Variants in GUCY2F observed in about 807,000 individuals in gnomAD.
The protein encoded by GUCY2F is retinal guanylyl cyclase 2.
GUCY2F carries 61 observed loss-of-function variants against 73.1 expected under a neutral mutation model. That is an observed-to-expected ratio of 0.83 (90% CI 0.68 to 1.03). The LOEUF (loss-of-function observed/expected upper bound fraction) is 1.03, where lower values mean the gene tolerates loss of function less well. GUCY2F is among the 50% of genes least tolerant of loss of function. The pLI, the probability that GUCY2F is intolerant of heterozygous loss-of-function variation, is 0.00. For synonymous variants in GUCY2F, 331 were observed against 307.8 expected, an observed-to-expected ratio of 1.08 and a Z score of -0.79; for missense variants, 912 against 854.3, an observed-to-expected ratio of 1.07 and a Z score of -0.84.
At chrX:109,417,479 CA>C in intron 8 of GUCY2F, among the ~76,000 whole-genome samples, 1 of 110,610 alleles carries the variant, frequency 9.0e-6, no homozygotes. Flanking sequence ...CTAAAACGTG[CA>C]AAAATGTATC....
At chrX:109,391,093 TA>T (rs1930549064) in intron 14 of GUCY2F, among the ~76,000 whole-genome samples, 1 of 112,157 alleles carries the variant, frequency 8.9e-6, no homozygotes, top group Non-Finnish European at 1.9e-5. Flanking sequence ...TCTCCATCAA[TA>T]AGACAAGTAT....
intron 3 of GUCY2F, among the ~76,000 whole-genome samples, chrX:109,463,717 G>A (rs188224396): frequency 8.1e-5 from 9 of 111,499 alleles, no homozygotes; most frequent in African/African-American, 9.8e-5. Context: ...GATTACAGGC[G>A]TGAGCCACCA....
intron 17 of GUCY2F, among the ~76,000 whole-genome samples, chrX:109,381,706 T>G (rs1437434321): frequency 9.0e-6 from 1 of 111,723 alleles, no homozygotes; most frequent in Admixed American, 9.5e-5. Flanking sequence ...CCAGGAAGGG[T>G]GGCCACTGAG....
chrX:109,458,265 G>A (rs754050008), intron 3 of GUCY2F, among the ~76,000 whole-genome samples: 1 of 112,253 alleles, frequency 8.9e-6, no homozygotes, highest in East Asian at 2.8e-4. Context: ...CCTAATGTGT[G>A]GTTAAATGAT....
chrX:109,393,016 CAAT>C lies in GUCY2F; in HGVS notation c.2461_2463del (p.Ile821del), dbSNP rs750162786. 42 of 1,119,339 alleles carry C rather than the reference CAAT, an allele frequency of 3.8e-5. No individual in the cohort carries two copies. Among genetic ancestry groups the C allele is most frequent in the Non-Finnish European group, 5.0e-5 (41 of 814,132 alleles). 92.2% of individuals were successfully genotyped at this position (1,119,339 alleles called of 1,213,427 possible). ...TGCTCCAACATCCGAAGCATAGAATCAATAATATTGGTCTTCTTCCCTTTATTA... is the reference window on the plus strand; with the variant it reads ...TGCTCCAACATCCGAAGCATAGAATCAATATTGGTCTTCTTCCCTTTATTA... On this transcript the variant is annotated inframe_deletion, in exon 13 of 20. Transcript: ENST00000218006.
intron 10 of GUCY2F, among the ~76,000 whole-genome samples, chrX:109,400,537 G>A (rs1355335378): frequency 2.7e-5 from 3 of 111,948 alleles, no homozygotes; most frequent in African/African-American, 9.8e-5. Context: ...CAAAACCCAG[G>A]AAAGAGAAAT....
chrX:109,464,888 T>C (rs1315139044), intron 3 of GUCY2F, among the ~76,000 whole-genome samples: 1 of 113,071 alleles, frequency 8.8e-6, no homozygotes, highest in African/African-American at 3.2e-5. Context: ...TTTGTTTATC[T>C]GTTCTTAAAT....
intron 3 of GUCY2F, among the ~76,000 whole-genome samples, chrX:109,458,023 G>C (rs1166010160): frequency 9.0e-6 from 1 of 111,564 alleles, no homozygotes; most frequent in Non-Finnish European, 1.9e-5. Flanking sequence ...CAATCATCCT[G>C]AGACTAAATT....
At chrX:109,374,878 GTTA>G (rs764652397) in intron 19 of GUCY2F, among the ~76,000 whole-genome samples, 3 of 112,193 alleles carry the variant, frequency 2.7e-5, no homozygotes, top group South Asian at 7.4e-4. Flanking sequence ...CAGAGTACCT[GTTA>G]TTGTTGTAGA....
chrX:109,448,769 T>C (rs1400695898), intron 5 of GUCY2F, among the ~76,000 whole-genome samples: 3 of 112,027 alleles, frequency 2.7e-5, no homozygotes, highest in African/African-American at 6.5e-5. Flanking sequence ...GGTTGAAAAG[T>C]GGAAAAATTC....
chrX:109,390,793 G>C (rs1930541875), intron 14 of GUCY2F, among the ~76,000 whole-genome samples: 1 of 112,749 alleles, frequency 8.9e-6, no homozygotes, highest in Middle Eastern at 4.2e-3. Flanking sequence ...TTCCTGCATC[G>C]TGGTTTCCAT....
intron 3 of GUCY2F, among the ~76,000 whole-genome samples, chrX:109,457,722 A>T (rs930151679): frequency 1.8e-5 from 2 of 111,451 alleles, no homozygotes; most frequent in Non-Finnish European, 3.8e-5. Flanking sequence ...GCAGCCTAGA[A>T]TTCCCCTGCC....
At chrX:109,441,630 C>A (rs957831944) in intron 6 of GUCY2F, 148 bp from the exon 7 acceptor site, 2 of 383,944 alleles carry the variant, frequency 5.2e-6, no homozygotes, top group Non-Finnish European at 8.6e-6. Context: ...CCCTATCCTT[C>A]TGAACTTTTT....
At chrX:109,460,775 G>T (rs1603385329) in intron 3 of GUCY2F, among the ~76,000 whole-genome samples, 1 of 111,448 alleles carries the variant, frequency 9.0e-6, no homozygotes, top group East Asian at 2.8e-4. Context: ...GGAGCAAAAT[G>T]TTTAGATTGG....
intron 11 of GUCY2F, among the ~76,000 whole-genome samples, chrX:109,398,119 T>A (rs999425455): frequency 2.7e-5 from 3 of 110,736 alleles, no homozygotes; most frequent in Non-Finnish European, 5.7e-5. Flanking sequence ...TATTGATGGA[T>A]ATTGCCTAAT....
chrX:109,467,681 G>C lies in GUCY2F; in HGVS notation c.731-2238C>G, dbSNP rs372000595. Among the ~76,000 whole-genome samples the C allele has an allele frequency of 1.9e-4, 21 of 112,009 alleles. 3 individuals carry two copies. In the South Asian group the frequency reaches 2.3e-3, roughly 12 times the overall value. ...GACTTTTCTCTGAGAGTTGGCCTCA[G>C]CTAAGGAAAGGCACCTCTCTCAAGG... On this transcript the variant is annotated intron_variant, in intron 2 of 19. Coordinates refer to ENST00000218006, the MANE Select transcript of GUCY2F (RefSeq NM_001522.3).
intron 1 of GUCY2F, among the ~76,000 whole-genome samples, chrX:109,478,959 T>C (rs966616252): frequency 7.1e-5 from 8 of 112,022 alleles, no homozygotes; most frequent in African/African-American, 2.6e-4. Context: ...TCATTTGCAG[T>C]TTAAAGAAGT....
intron 1 of GUCY2F, among the ~76,000 whole-genome samples, chrX:109,481,447 C>T (rs1030799576): frequency 9.0e-6 from 1 of 111,605 alleles, no homozygotes; most frequent in East Asian, 2.8e-4. Flanking sequence ...AGAAAACCAC[C>T]GTTCGTTAAA....
intron 6 of GUCY2F, among the ~76,000 whole-genome samples, chrX:109,443,057 T>G (rs1257544606): frequency 8.9e-6 from 1 of 112,083 alleles, no homozygotes; most frequent in Non-Finnish European, 1.9e-5. Flanking sequence ...GTTTACACTT[T>G]CAGACATTCC....
Sources: allele counts gnomAD v4.1 joint callset (sites outside exome capture counted in the v4.1 genomes callset), GRCh38; gene constraint gnomAD v4.1.1; transcripts MANE v1.5; gene names NCBI Gene and HGNC (gene_info 2026-07-23, HGNC 2026-07-21).